Variants in NOS1 observed in about 807,000 individuals in gnomAD.
NOS1 encodes the protein nitric oxide synthase 1.
Under a neutral mutation model 164.5 loss-of-function variants are expected in NOS1, and 51 were observed. The observed-to-expected ratio is 0.31, with a 90% CI of 0.25 to 0.39. The LOEUF (loss-of-function observed/expected upper bound fraction) is 0.39. Among genes scored for constraint, NOS1 ranks in the 10% least tolerant of loss-of-function variants. The pLI is 1.00. For synonymous variants in NOS1, 719 were observed against 745.8 expected, an observed-to-expected ratio of 0.96 and a Z score of 0.59; for missense variants, 1,362 against 1,885.6, an observed-to-expected ratio of 0.72 and a Z score of 5.14.
At chr12:117,220,019 G>T in intron 27 of NOS1, 56 bp downstream of exon 27, 2 of 1,506,432 alleles carry the variant, frequency 1.3e-6, no homozygotes, top group South Asian at 2.6e-5. Context: ...ATGAAAAAGG[G>T]GGGATAGGAG....
intron 22 of NOS1, among the ~76,000 whole-genome samples, chr12:117,229,659 G>C (rs1566029120): frequency 1.3e-5 from 2 of 150,448 alleles, no homozygotes; most frequent in Admixed American, 1.3e-4. Context: ...CATGATCTCG[G>C]CTCACTGCAA....
At chr12:117,259,240 G>A (rs1016525190) in intron 14 of NOS1, 110 bp from the exon 15 acceptor site, 4 of 689,354 alleles carry the variant, frequency 5.8e-6, no homozygotes, top group South Asian at 1.9e-5. Context: ...GGAGAGAAAG[G>A]AAAAATGTGA....
At chr12:117,224,425 A>G (rs1268097846) in intron 25 of NOS1, among the ~76,000 whole-genome samples, 3 of 152,062 alleles carry the variant, frequency 2.0e-5, no homozygotes, top group Admixed American at 6.6e-5. Context: ...AGCTGGGACT[A>G]CATGTGCCCG....
At position 117,305,286 on chromosome 12, in the gene NOS1, C is replaced by A. The variant is rs568413004; in HGVS notation, c.852+6180G>T. Among the ~76,000 whole-genome samples, 10 of 152,200 alleles carry A rather than the reference C, an allele frequency of 6.6e-5. No individual in the cohort carries two copies. The East Asian group carries it at 1.5e-3, about 24-fold the overall frequency. On this transcript the variant is annotated intron_variant, in intron 3 of 28. Transcript: ENST00000317775. Reference sequence around the variant, plus strand: ...GACCATCCTTGCTAACACGGTGAAACCCCGTCTCTACTAAAAATACAAAAA... The same window carrying A: ...GACCATCCTTGCTAACACGGTGAAAACCCGTCTCTACTAAAAATACAAAAA...
intron 3 of NOS1, among the ~76,000 whole-genome samples, chr12:117,300,416 A>T (rs1329809536): frequency 6.6e-6 from 1 of 152,178 alleles, no homozygotes; most frequent in East Asian, 1.9e-4. Flanking sequence ...CTGAACCCAA[A>T]CACTAGTCAA....
chr12:117,283,392 C>T (rs896918244), intron 7 of NOS1, among the ~76,000 whole-genome samples: 2 of 152,114 alleles, frequency 1.3e-5, no homozygotes, highest in African/African-American at 4.8e-5. Context: ...CAGTTCTCAT[C>T]GCTTTCAGAC....
chr12:117,295,273 A>AT (rs1412794894), intron 3 of NOS1, among the ~76,000 whole-genome samples: 1 of 152,184 alleles, frequency 6.6e-6, no homozygotes, highest in African/African-American at 2.4e-5. Context: ...GCTAAGAAGG[A>AT]TTTTTTCCAT....
rs60470377 is a variant in NOS1, at chr12:117,214,833, TCACACACACACA to T, written c.*464_*475del. On this transcript the variant is annotated 3_prime_UTR_variant, in exon 29 of 29. Coordinates refer to ENST00000317775, the MANE Select transcript of NOS1 (RefSeq NM_000620.5). ...AGAGGACGGACAGAGACCTGGCCCA[TCACACACACACA>T]CACACACACACACACACACACAGGC... 161 of 966,638 alleles carry T rather than the reference TCACACACACACA, an allele frequency of 1.7e-4. No homozygotes were observed. Among genetic ancestry groups the T allele is most frequent in the Admixed American group, 2.0e-4 (3 of 15,056 alleles). 59.9% of individuals were successfully genotyped at this position (966,638 alleles called of 1,614,324 possible). A position where few individuals can be genotyped will look rare whatever the true frequency, so the allele number is the denominator to read the frequency against.
intron 26 of NOS1, among the ~76,000 whole-genome samples, chr12:117,222,329 C>G (rs1261678690): frequency 1.3e-5 from 2 of 152,186 alleles, no homozygotes; most frequent in East Asian, 3.9e-4. Flanking sequence ...GATCTCAGCT[C>G]ACTGCAATCT....
intron 1 of NOS1, among the ~76,000 whole-genome samples, chr12:117,333,138 G>A (rs894621144): frequency 2.6e-5 from 4 of 152,170 alleles, no homozygotes; most frequent in African/African-American, 9.7e-5. Context: ...GGGTAGGGTG[G>A]GAAGTAGCCG....
rs998614585 is a variant in NOS1, at chr12:117,210,030, T to C, written c.*5279A>G. 1 of 949,646 alleles carries C rather than the reference T, an allele frequency of 1.1e-6. No homozygotes were observed. Among genetic ancestry groups the C allele is most frequent in the Admixed American group, 6.2e-5 (1 of 16,188 alleles). The allele number at this position is 949,646 out of a possible 1,614,324, so 58.8% of individuals were successfully genotyped here. On this transcript the variant is annotated 3_prime_UTR_variant, in exon 29 of 29. Coordinates refer to ENST00000317775, the MANE Select transcript of NOS1 (RefSeq NM_000620.5). ...CTCTGTCACTCAGGCTGGAGTGCAG[T>C]GGTGCGATCCTAGCTCACTGTCGCC...
In NOS1 at chr12:117,217,333, A is replaced by G. The variant is rs540215611; in HGVS notation, c.4289+713T>C. Among the ~76,000 whole-genome samples, 11 of 152,272 alleles carry G rather than the reference A, an allele frequency of 7.2e-5. No homozygotes were observed. The South Asian group carries it at 2.3e-3, about 32-fold the overall frequency. On this transcript the variant is annotated intron_variant, in intron 28 of 28. Coordinates refer to ENST00000317775, the MANE Select transcript of NOS1 (RefSeq NM_000620.5). ...ATGAGCAGCGTTCAAACACTTTTGT[A>G]GAAGAAACCCTTGCCCTAAATCTGA...
At position 117,356,706 on chromosome 12, in the gene NOS1, C is replaced by T. The variant is rs922294180; in HGVS notation, c.-421+4806G>A. On this transcript the variant is annotated intron_variant, in intron 1 of 28. Coordinates refer to ENST00000317775, the MANE Select transcript of NOS1 (RefSeq NM_000620.5). This position sits in a 1 kb window ranked among gnomAD's most constrained non-coding sequence, Gnocchi z 4.2. ...CATCCTTAGCATCATACGACTGTGCCAAGACCCATGTCCACTATACCCTGT... is the reference window on the plus strand; with the variant it reads ...CATCCTTAGCATCATACGACTGTGCTAAGACCCATGTCCACTATACCCTGT... Among the ~76,000 whole-genome samples the T allele has an allele frequency of 3.3e-5, 5 of 152,226 alleles. No homozygotes were observed. Among genetic ancestry groups the T allele is most frequent in the South Asian group, 2.1e-4 (1 of 4,834 alleles).
At chr12:117,350,304 C>T (rs9658259) in intron 1 of NOS1, among the ~76,000 whole-genome samples, 11 of 152,120 alleles carry the variant, frequency 7.2e-5, no homozygotes, top group Admixed American at 3.9e-4. Flanking sequence ...GACGTGCTCA[C>T]GGACAATGCA....
chr12:117,348,104 C>T (rs1235090462), intron 1 of NOS1: 2 of 150,262 alleles, frequency 1.3e-5, no homozygotes, highest in African/African-American at 4.9e-5. Context: ...ACCAGCACAC[C>T]TGGGAAGCCC....
intron 3 of NOS1, among the ~76,000 whole-genome samples, chr12:117,305,798 T>G (rs1874112534): frequency 6.6e-6 from 1 of 151,656 alleles, no homozygotes; most frequent in Non-Finnish European, 1.5e-5. Flanking sequence ...GACTTTTTTT[T>G]TTTTTTTTCC....
At chr12:117,269,683 G>A (rs1010805035) in intron 10 of NOS1, among the ~76,000 whole-genome samples, 14 of 152,002 alleles carry the variant, frequency 9.2e-5, no homozygotes, top group Non-Finnish European at 2.9e-5. Context: ...GGCCAGGATG[G>A]TCTCGATCTC....
intron 1 of NOS1, among the ~76,000 whole-genome samples, chr12:117,333,604 C>T (rs1363369087): frequency 1.3e-5 from 2 of 152,178 alleles, no homozygotes; most frequent in South Asian, 2.1e-4. Context: ...ACTCTGTCAG[C>T]CCCTCTGTGT....
chr12:117,272,281 C>T lies in NOS1; in HGVS notation c.1839+104G>A, dbSNP rs1872845653. ...TGGGATTGCAATTCTATTCTAACCCCTTCAAGTTTCCAAGCCACCAAGCTC... is the reference window on the plus strand; with the variant it reads ...TGGGATTGCAATTCTATTCTAACCCTTTCAAGTTTCCAAGCCACCAAGCTC... On this transcript the variant is annotated intron_variant, in intron 10 of 28. Coordinates refer to ENST00000317775, the MANE Select transcript of NOS1 (RefSeq NM_000620.5). This position sits in a 1 kb window ranked among gnomAD's most constrained non-coding sequence, Gnocchi z 4.3. 1 of 1,276,350 alleles carries T rather than the reference C, an allele frequency of 7.8e-7. No individual in the cohort carries two copies. 79.1% of individuals were successfully genotyped at this position (1,276,350 alleles called of 1,614,324 possible). A position where few individuals can be genotyped will look rare whatever the true frequency, so the allele number is the denominator to read the frequency against.
Sources: allele counts gnomAD v4.1 joint callset (sites outside exome capture counted in the v4.1 genomes callset), GRCh38; gene constraint gnomAD v4.1.1; non-coding constraint Gnocchi (gnomAD v3.1); transcripts MANE v1.5; gene names NCBI Gene and HGNC (gene_info 2026-07-23, HGNC 2026-07-21).